TRPV3: variants seen among roughly 807,000 people sequenced by gnomAD.
TRPV3 encodes the protein VRL-3.
TRPV3 carries 88 observed loss-of-function variants against 87.1 expected under a neutral mutation model. The observed-to-expected ratio is 1.01, with a 90% confidence interval of 0.85 to 1.21. The LOEUF (loss-of-function observed/expected upper bound fraction) is 1.21. Among genes scored for constraint, TRPV3 ranks in the 50% most tolerant of loss-of-function variants. TRPV3 has a pLI of 0.00. For synonymous variants in TRPV3, 438 were observed against 423.3 expected, an observed-to-expected ratio of 1.03 and a Z score of -0.43; for missense variants, 1,054 against 1,030.1, an observed-to-expected ratio of 1.02 and a Z score of -0.32.
In TRPV3 at chr17:3,514,026, AAT is replaced by A; in HGVS notation, c.2279-17_2279-16del. 1 of 1,590,144 alleles carries A rather than the reference AAT, an allele frequency of 6.3e-7. No homozygotes were observed. Among genetic ancestry groups the A allele is most frequent in the African/African-American group, 1.4e-5 (1 of 73,732 alleles). The stretch of plus-strand genomic sequence containing the variant: ...TTTGTTGAAATCTGCTTTTTAAAAA[AAT>A]ATATATTTTAGAAATATATCACTCT... On this transcript the variant is annotated splice_polypyrimidine_tract_variant and intron_variant, in intron 17 of 17. Transcript: ENST00000576742.
chr17:3,540,451 A>AAGGAG (rs1728158950), intron 6 of TRPV3, among the ~76,000 whole-genome samples: 1 of 152,184 alleles, frequency 6.6e-6, no homozygotes, highest in Non-Finnish European at 1.5e-5. Context: ...AGATTCATGA[A>AAGGAG]AGGAGAGGGA....
chr17:3,532,788 T>C lies in TRPV3; in HGVS notation c.934A>G (p.Thr312Ala), dbSNP rs778639889. 6 of 1,614,126 alleles carry C rather than the reference T, an allele frequency of 3.7e-6. No individual in the cohort carries two copies. The African/African-American group carries it at 8.0e-5, about 22-fold the overall frequency. Residue 312 changes from threonine to alanine, a missense_variant, in exon 8 of 18, where the codon ACG (threonine) becomes GCG (alanine). Transcript: ENST00000576742. ...ATGCGCTTCACAAAGTCATTCTGCG[T>C]CTTGAAGTCCTCGGCCACGGTCACC... Reference protein sequence around the residue: ...ALVTVAEDFKTQNDFVKRMYD... With the variant: ...ALVTVAEDFKAQNDFVKRMYD...
intron 6 of TRPV3, among the ~76,000 whole-genome samples, chr17:3,536,233 G>T (rs1461028158): frequency 6.6e-6 from 1 of 152,188 alleles, no homozygotes; most frequent in African/African-American, 2.4e-5. Context: ...GGACGAGAAT[G>T]TAGGGCTCGG....
rs1392925044 is a variant in TRPV3 at position 3,518,506 on chromosome 17, G to A, written c.2085+70C>T. The A allele has an allele frequency of 1.4e-6, 2 of 1,480,050 alleles. No individual in the cohort carries two copies. The highest frequency in any genetic ancestry group is 1.8e-6 in the Non-Finnish European group (2 of 1,108,660). The allele number at this position is 1,480,050 out of a possible 1,614,324, so 91.7% of individuals were successfully genotyped here. On this transcript the variant is annotated intron_variant, in intron 15 of 17. Transcript: ENST00000576742. The surrounding 1 kb of genome is among the most constrained non-coding windows in gnomAD (Gnocchi z 4.3). ...CACCTCAGACCCACTGGTGCTGACA[G>A]TAGTCAATGACCACGTGCTGAACTG...
At chr17:3,536,425 C>T (rs1199421250) in intron 6 of TRPV3, among the ~76,000 whole-genome samples, 1 of 152,122 alleles carries the variant, frequency 6.6e-6, no homozygotes, top group African/African-American at 2.4e-5. Context: ...ATGGTCTGTA[C>T]TAAAAATACA....
chr17:3,529,127 T>C (rs910769818), intron 9 of TRPV3, 132 bp from the exon 10 acceptor site: 18 of 1,077,196 alleles, frequency 1.7e-5, no homozygotes, highest in Middle Eastern at 3.0e-4. Context: ...ACTGGTCTGG[T>C]TGGAAATGCT....
chr17:3,515,879 G>A (rs978152151), intron 16 of TRPV3, among the ~76,000 whole-genome samples: 2 of 151,786 alleles, frequency 1.3e-5, no homozygotes, highest in Non-Finnish European at 2.9e-5. Context: ...AGACCATGGA[G>A]GCACCTCCAA....
rs2074319923 is a variant in TRPV3, at chr17:3,528,478, A to G, written c.1402-352T>C. On this transcript the variant is annotated intron_variant, in intron 10 of 17. Coordinates refer to ENST00000576742, the MANE Select transcript of TRPV3 (RefSeq NM_145068.4). This position sits in a 1 kb window ranked among gnomAD's most constrained non-coding sequence, Gnocchi z 4.2. ...CTCTGTGCCCCACGTGACGCATGGG[A>G]AACCGAAGCCCAGCAGGCAGGGAGA... 6.6e-6 allele frequency among the ~76,000 whole-genome samples: 1 copy of G among 152,200 alleles called. No individual in the cohort carries two copies. The highest frequency in any genetic ancestry group is 1.5e-5 in the Non-Finnish European group (1 of 68,028).
At chr17:3,514,067 C>CT in intron 17 of TRPV3, 56 bp from the exon 18 acceptor site, 1 of 1,418,150 alleles carries the variant, frequency 7.1e-7, no homozygotes, top group Non-Finnish European at 9.6e-7. Context: ...TAGTGTGTTT[C>CT]TTTTTTCTTT....
chr17:3,528,071 C>G lies in TRPV3; in HGVS notation c.1457G>C (p.Gly486Ala). 1.2e-6 allele frequency: 2 copies of G among 1,613,726 alleles called. No homozygotes were observed. Residue 486 changes from glycine to alanine, a missense_variant, in exon 11 of 18, where the codon GGG becomes GCG. Coordinates refer to ENST00000576742, the MANE Select transcript of TRPV3 (RefSeq NM_145068.4). This position sits in a 1 kb window ranked among gnomAD's most constrained non-coding sequence, Gnocchi z 4.2. ...THKMGWLQLL[G>A]RMFVLIWAMC... is the part of the protein sequence containing the mutation. ...GGCCCAGATGAGCACAAACATCCTC[C>G]CTAGGAGCTGCAGCCACCCCATCTT...
chr17:3,541,450 G>A (rs552649033), intron 6 of TRPV3, among the ~76,000 whole-genome samples: 4 of 152,210 alleles, frequency 2.6e-5, no homozygotes, highest in Middle Eastern at 3.4e-3. Flanking sequence ...TGAGTCAATC[G>A]CTTTTGCCAC....
At position 3,530,034 on chromosome 17, in the gene TRPV3, T is replaced by C; in HGVS notation, c.1235A>G (p.Asn412Ser). The C allele has an allele frequency of 1.9e-6, 3 of 1,612,036 alleles. No individual in the cohort carries two copies. The highest frequency in any genetic ancestry group is 1.7e-6 in the Non-Finnish European group (2 of 1,178,890). ...SVLEITVYNT[N>S]IDNRHEMLTL... is the part of the protein sequence containing the mutation. ...CCTGTGCAGGAGACCCACGTCGATG[T>C]TGGTGTTGTAGACAGTGATTTCCAG... Residue 412 changes from asparagine (N) to serine (S), a missense_variant, in exon 9 of 18, where the codon AAC (asparagine) becomes AGC (serine). Transcript: ENST00000576742. The surrounding 1 kb of genome is among the most constrained non-coding windows in gnomAD (Gnocchi z 4.0).
rs773367094 is a variant in TRPV3, at chr17:3,543,462, TCAGA to T, written c.466+8_466+11del. ...CCCAGCCCTGCACCCTCTGCCAGGC[TCAGA>T]CACTCACCAGGCACATCCTCATCAT... On this transcript the variant is annotated splice_region_variant and intron_variant, in intron 5 of 17. Coordinates refer to ENST00000576742, the MANE Select transcript of TRPV3 (RefSeq NM_145068.4). 3.7e-6 allele frequency: 6 copies of T among 1,612,024 alleles called. No individual in the cohort carries two copies. Among genetic ancestry groups the T allele is most frequent in the Non-Finnish European group, 5.1e-6 (6 of 1,179,926 alleles).
rs563458908 is a variant in TRPV3 at position 3,551,606 on chromosome 17, A to G, written c.119+3126T>C. On this transcript the variant is annotated intron_variant, in intron 2 of 17. Transcript: ENST00000576742. The stretch of plus-strand genomic sequence containing the variant: ...CCATCCATTTGCTTTGTGCCAAGAA[A>G]TGCCCAAGTGTTCTGGGCTCTGCAA... Among the ~76,000 whole-genome samples, 62 of 152,304 alleles carry G rather than the reference A, an allele frequency of 4.1e-4. 1 individual carries two copies. The highest frequency in any genetic ancestry group is 6.8e-3 in the Middle Eastern group (2 of 294).
At chr17:3,547,818 C>T (rs190896478) in intron 2 of TRPV3, among the ~76,000 whole-genome samples, 11 of 152,188 alleles carry the variant, frequency 7.2e-5, no homozygotes, top group Admixed American at 5.9e-4. Flanking sequence ...TGAGCCCCAG[C>T]GAAGGAGAGA....
Position 3,518,055 on chromosome 17 carries a change from G to T in TRPV3, c.2085+521C>A, listed in dbSNP as rs2074200423. Among the ~76,000 whole-genome samples the T allele has an allele frequency of 6.6e-6, 1 of 152,008 alleles. No individual in the cohort carries two copies. Among genetic ancestry groups the T allele is most frequent in the African/African-American group, 2.4e-5 (1 of 41,396 alleles). ...GCTGGGCTCGAACTCTTGACCTCAGGTGATCCACCCGCTTCGGCCTTCCAA... is the reference window on the plus strand; with the variant it reads ...GCTGGGCTCGAACTCTTGACCTCAGTTGATCCACCCGCTTCGGCCTTCCAA... On this transcript the variant is annotated intron_variant, in intron 15 of 17. Coordinates refer to ENST00000576742, the MANE Select transcript of TRPV3 (RefSeq NM_145068.4). This position sits in a 1 kb window ranked among gnomAD's most constrained non-coding sequence, Gnocchi z 4.3.
chr17:3,538,197 A>G (rs1452820653), intron 6 of TRPV3, among the ~76,000 whole-genome samples: 1 of 152,172 alleles, frequency 6.6e-6, no homozygotes, highest in Non-Finnish European at 1.5e-5. Context: ...TCTCAAAAAA[A>G]AAATAGAAAG....
At chr17:3,552,128 A>C (rs916331028) in intron 2 of TRPV3, 2 of 148,834 alleles carry the variant, frequency 1.3e-5, no homozygotes, top group African/African-American at 5.0e-5. Flanking sequence ...CTTGTGATCC[A>C]CCCGCCTCAG....
At chr17:3,533,881 T>G (rs1273997679) in intron 7 of TRPV3, among the ~76,000 whole-genome samples, 2 of 152,208 alleles carry the variant, frequency 1.3e-5, no homozygotes, top group Non-Finnish European at 2.9e-5. Flanking sequence ...CGATGGTCTC[T>G]CCCTGTCTAG....
Sources: allele counts gnomAD v4.1 joint callset (sites outside exome capture counted in the v4.1 genomes callset), GRCh38; gene constraint gnomAD v4.1.1; non-coding constraint Gnocchi (gnomAD v3.1); transcripts MANE v1.5; gene names NCBI Gene and HGNC (gene_info 2026-07-23, HGNC 2026-07-21).